BMPR1B: variants seen among roughly 807,000 people sequenced by gnomAD.
BMPR1B encodes the protein bone morphogenetic protein receptor type-1B.
In BMPR1B, 12 loss-of-function variants were observed where a neutral mutation model predicts 59.1. The observed-to-expected ratio is 0.20, with a 90% CI of 0.13 to 0.33. BMPR1B has a LOEUF of 0.33. Ranked by LOEUF, BMPR1B falls within the 10% of genes least tolerant of loss-of-function variation. The pLI, the probability that BMPR1B is intolerant of heterozygous loss-of-function variation, is 1.00. For synonymous variants in BMPR1B, 237 were observed against 207.3 expected, an observed-to-expected ratio of 1.14 and a Z score of -1.23; for missense variants, 550 against 610.9, an observed-to-expected ratio of 0.90 and a Z score of 1.05.
rs1735383330 is a variant in BMPR1B at position 95,155,823 on chromosome 4, A to C, written c.*1150A>C. Reference sequence around the variant, plus strand: ...TGTATGTGTCTGAGATAAGGGATAGAGAGGAAACATCCGTCAGGCTAATTT... The same window carrying C: ...TGTATGTGTCTGAGATAAGGGATAGCGAGGAAACATCCGTCAGGCTAATTT... On this transcript the variant is annotated 3_prime_UTR_variant, in exon 13 of 13. Coordinates refer to ENST00000515059, the MANE Select transcript of BMPR1B (RefSeq NM_001203.3). 1 of 152,166 alleles carries C rather than the reference A, an allele frequency of 6.6e-6. No individual in the cohort carries two copies. The highest frequency in any genetic ancestry group is 6.5e-5 in the Admixed American group (1 of 15,282). The allele number at this position is 152,166 out of a possible 1,614,324, so 9.4% of individuals were successfully genotyped here.
chr4:95,089,399 T>G (rs756200792), intron 3 of BMPR1B, among the ~76,000 whole-genome samples: 2 of 152,066 alleles, frequency 1.3e-5, no homozygotes, highest in Non-Finnish European at 2.9e-5. Context: ...ATTTTGACCT[T>G]AGGGTAGAGT....
chr4:95,120,653 T>TTCCTTCCTTCCTTCCTTCCTTC (rs1400928246), intron 6 of BMPR1B, among the ~76,000 whole-genome samples: 9 of 116,588 alleles, frequency 7.7e-5, no homozygotes, highest in African/African-American at 2.7e-4. Context: ...TTCCTTCCTT[T>TTCCTTCCTTCCTTCCTTCCTTC]CCTTCCTTCC....
In BMPR1B at chr4:95,157,320, A is replaced by G. The variant is rs1735493563; in HGVS notation, c.*2647A>G. 6.6e-6 allele frequency: 1 copy of G among 152,092 alleles called. No homozygotes were observed. The highest frequency in any genetic ancestry group is 2.1e-4 in the South Asian group (1 of 4,828). 9.4% of individuals were successfully genotyped at this position (152,092 alleles called of 1,614,324 possible). On this transcript the variant is annotated 3_prime_UTR_variant, in exon 13 of 13. Transcript: ENST00000515059. ...ATAGATTTTTCTCTGTATCTTACCAAAATCCACTTTACTTAGATAACACTA... is the reference window on the plus strand; with the variant it reads ...ATAGATTTTTCTCTGTATCTTACCAGAATCCACTTTACTTAGATAACACTA...
chr4:94,819,788 C>G (rs1724139045), intron 1 of BMPR1B, among the ~76,000 whole-genome samples: 1 of 152,194 alleles, frequency 6.6e-6, no homozygotes, highest in Non-Finnish European at 1.5e-5. Context: ...AACCTTTTAA[C>G]AAGGAGCTCA....
intron 1 of BMPR1B, among the ~76,000 whole-genome samples, chr4:94,831,687 G>A (rs1724595917): frequency 6.6e-6 from 1 of 152,120 alleles, no homozygotes; most frequent in Non-Finnish European, 1.5e-5. Flanking sequence ...CTACAGCAGG[G>A]ATCCCCAGCC....
At chr4:95,060,033 A>G (rs1247893057) in intron 3 of BMPR1B, among the ~76,000 whole-genome samples, 2 of 152,334 alleles carry the variant, frequency 1.3e-5, no homozygotes, top group South Asian at 2.1e-4. Context: ...GCTGGTGAGC[A>G]GTATTCGACC....
intron 9 of BMPR1B, among the ~76,000 whole-genome samples, chr4:95,130,723 C>CTTTTTT (rs148720302): frequency 2.5e-3 from 193 of 77,932 alleles, no homozygotes; most frequent in Non-Finnish European, 3.4e-3. Flanking sequence ...CTTTTCTTTT[C>CTTTTTT]TTTTTTTTTT....
At chr4:95,041,287 G>A (rs972281915) in intron 3 of BMPR1B, among the ~76,000 whole-genome samples, 3 of 152,024 alleles carry the variant, frequency 2.0e-5, no homozygotes, top group South Asian at 2.1e-4. Flanking sequence ...GGGCTCAAGC[G>A]ATCCTCCTAC....
chr4:95,139,670 G>A (rs1734068384), intron 10 of BMPR1B, among the ~76,000 whole-genome samples: 1 of 152,192 alleles, frequency 6.6e-6, no homozygotes, highest in Non-Finnish European at 1.5e-5. Context: ...AGACTGCTGT[G>A]CTAGCAATGA....
intron 2 of BMPR1B, among the ~76,000 whole-genome samples, chr4:94,962,182 G>C (rs1465904957): frequency 2.0e-5 from 3 of 147,188 alleles, no homozygotes; most frequent in Non-Finnish European, 4.5e-5. Flanking sequence ...CTGTCACCGA[G>C]GCTGGAGTGC....
intron 2 of BMPR1B, 83 bp from the exon 3 acceptor site, chr4:94,995,957 C>T (rs1478548800): frequency 2.0e-5 from 3 of 152,154 alleles, no homozygotes; most frequent in African/African-American, 7.2e-5. Flanking sequence ...AACATGCACA[C>T]AGAGGGCAAG....
intron 3 of BMPR1B, among the ~76,000 whole-genome samples, chr4:95,077,605 A>G (rs1178978057): frequency 1.3e-5 from 2 of 152,188 alleles, no homozygotes; most frequent in Non-Finnish European, 2.9e-5. Context: ...TTTTAAAGTG[A>G]ATGTGATATT....
At chr4:94,854,877 G>A (rs565195055) in intron 1 of BMPR1B, among the ~76,000 whole-genome samples, 10 of 152,136 alleles carry the variant, frequency 6.6e-5, no homozygotes, top group South Asian at 4.2e-4. Context: ...TAAACTTGAG[G>A]GCTATTTTCT....
intron 3 of BMPR1B, among the ~76,000 whole-genome samples, chr4:95,031,068 T>C (rs1482992633): frequency 6.6e-6 from 1 of 151,906 alleles, no homozygotes; most frequent in Non-Finnish European, 1.5e-5. Context: ...GCCAAGTCAA[T>C]CCTAAGCCAA....
chr4:94,794,684 T>C (rs975084930), intron 1 of BMPR1B, among the ~76,000 whole-genome samples: 4 of 151,980 alleles, frequency 2.6e-5, no homozygotes, highest in African/African-American at 7.3e-5. Context: ...TTGTATCGTC[T>C]TTTATTTCCT....
intron 3 of BMPR1B, among the ~76,000 whole-genome samples, chr4:95,045,124 A>T (rs1489570881): frequency 6.6e-6 from 1 of 152,194 alleles, no homozygotes; most frequent in African/African-American, 2.4e-5. Context: ...AGTTTAATTA[A>T]AAAGTAAATT....
rs527739132 is a variant in BMPR1B at position 94,892,526 on chromosome 4, G to A, written c.-113+16626G>A. Among the ~76,000 whole-genome samples the A allele has an allele frequency of 4.6e-5, 7 of 152,078 alleles. No homozygotes were observed. The South Asian group carries it at 1.5e-3, about 32-fold the overall frequency. On this transcript the variant is annotated intron_variant, in intron 2 of 12. Coordinates refer to ENST00000515059, the MANE Select transcript of BMPR1B (RefSeq NM_001203.3). ...ATTTATTGAACAAGTATGATGTACT[G>A]TACCGGGAGCTGAAGACCAAAAAAA...
chr4:94,945,595 C>T (rs1729679825), intron 2 of BMPR1B, among the ~76,000 whole-genome samples: 1 of 152,106 alleles, frequency 6.6e-6, no homozygotes, highest in Admixed American at 6.5e-5. Context: ...CCATCATGCT[C>T]AGCTAATTTT....
At chr4:94,805,635 G>T (rs187474610) in intron 1 of BMPR1B, among the ~76,000 whole-genome samples, 1 of 152,062 alleles carries the variant, frequency 6.6e-6, no homozygotes, top group Non-Finnish European at 1.5e-5. Flanking sequence ...GTTCAAATGG[G>T]CTTTAAATAG....
Sources: allele counts gnomAD v4.1 joint callset (sites outside exome capture counted in the v4.1 genomes callset), GRCh38; gene constraint gnomAD v4.1.1; transcripts MANE v1.5; gene names NCBI Gene and HGNC (gene_info 2026-07-23, HGNC 2026-07-21).